Variants in SMARCAL1 observed in about 807,000 individuals in gnomAD.
The protein encoded by SMARCAL1 is ATP-driven annealing helicase.
In SMARCAL1, 58 loss-of-function variants were observed where a neutral mutation model predicts 94.5. The observed-to-expected ratio is 0.61, with a 90% confidence interval of 0.50 to 0.76. The LOEUF is 0.76. Among genes scored for constraint, SMARCAL1 ranks in the 30% least tolerant of loss-of-function variants. The pLI is 0.00. For synonymous variants in SMARCAL1, 422 were observed against 455.1 expected (o/e 0.93, Z 0.93); for missense variants, 1,051 against 1,177.9 (o/e 0.89, Z 1.58).
At chr2:216,458,015 C>G (rs1694610163) in intron 12 of SMARCAL1, among the ~76,000 whole-genome samples, 1 of 152,138 alleles carries the variant, frequency 6.6e-6, no homozygotes, top group Admixed American at 6.5e-5. Flanking sequence ...CACCACTGAT[C>G]CCACAGAAAT....
At chr2:216,432,899 GA>G (rs1223978330) in intron 8 of SMARCAL1, 31 bp downstream of exon 8, 2 of 1,613,828 alleles carry the variant, frequency 1.2e-6, no homozygotes, top group South Asian at 2.2e-5. Context: ...AGTTTTCACA[GA>G]GAAGGTTTTC....
intron 6 of SMARCAL1, among the ~76,000 whole-genome samples, chr2:216,425,649 CA>C (rs966763256): frequency 8.6e-4 from 131 of 152,258 alleles, no homozygotes; most frequent in Middle Eastern, 3.4e-3. Flanking sequence ...GTTACATGAA[CA>C]ACTGGAGAGT....
intron 5 of SMARCAL1, among the ~76,000 whole-genome samples, chr2:216,421,638 T>C (rs139174246): frequency 1.8e-3 from 278 of 152,244 alleles, no homozygotes; most frequent in Non-Finnish European, 2.3e-3. Flanking sequence ...CCCTTCAGAA[T>C]AGGGGAGAAG....
At chr2:216,428,882 C>T (rs1693898844) in intron 7 of SMARCAL1, 100 bp downstream of exon 7, 3 of 1,108,456 alleles carry the variant, frequency 2.7e-6, no homozygotes, top group Non-Finnish European at 4.1e-6. Context: ...CTTTTATTTA[C>T]CATGGATAGA....
rs751712707 is a variant in SMARCAL1, at chr2:216,415,471, C to T, written c.767C>T (p.Ala256Val). The part of the protein sequence containing the change: ...DRFQVLIGYN[A>V]ELIAVFKTLP... ...TTCCAGGTGTTGATTGGGTACAATG[C>T]GGAACTCATTGCAGTGTTTAAGACC... The change falls in exon 3 of 18, where the codon GCG becomes GTG. Residue 256 changes from alanine to valine, a missense_variant. Coordinates refer to ENST00000357276, the MANE Select transcript of SMARCAL1 (RefSeq NM_014140.4). 31 of 1,613,580 alleles carry T rather than the reference C, an allele frequency of 1.9e-5. No individual in the cohort carries two copies. Among genetic ancestry groups the T allele is most frequent in the South Asian group, 7.7e-5 (7 of 91,046 alleles).
intron 12 of SMARCAL1, among the ~76,000 whole-genome samples, chr2:216,463,859 A>G (rs1229734385): frequency 6.6e-6 from 1 of 152,204 alleles, no homozygotes; most frequent in Admixed American, 6.5e-5. Flanking sequence ...CCTGGCCAAC[A>G]TGGTGAAACC....
chr2:216,418,625 C>T (rs1389800770), intron 4 of SMARCAL1, among the ~76,000 whole-genome samples: 9 of 152,164 alleles, frequency 5.9e-5, no homozygotes. Flanking sequence ...CACTGTAGAA[C>T]ATATTTTGAC....
At chr2:216,466,643 C>CA (rs1238809814) in intron 13 of SMARCAL1, among the ~76,000 whole-genome samples, 6 of 151,686 alleles carry the variant, frequency 4.0e-5, no homozygotes, top group Non-Finnish European at 8.8e-5. Context: ...TATAGAACAA[C>CA]AAAGCTGTGT....
At position 216,474,128 on chromosome 2, in the gene SMARCAL1, C is replaced by CTTTTTTTTTTTTT. The variant is rs1182416023; in HGVS notation, c.2245-1124_2245-1112dup. Among the ~76,000 whole-genome samples the CTTTTTTTTTTTTT allele has an allele frequency of 1.8e-4, 12 of 64,926 alleles. 1 individual carries two copies. Among genetic ancestry groups the CTTTTTTTTTTTTT allele is most frequent in the African/African-American group, 7.0e-4 (12 of 17,188 alleles). The allele number at this position is 64,926 out of a possible 152,430, so 42.6% of individuals were successfully genotyped here. On this transcript the variant is annotated intron_variant, in intron 14 of 17. Coordinates refer to ENST00000357276, the MANE Select transcript of SMARCAL1 (RefSeq NM_014140.4). ...ATTTATATAACATTTGTATAGCATT[C>CTTTTTTTTTTTTT]TTTTTTTTTTTTTTTTTTTTTTTTT...
chr2:216,446,951 G>A (rs1227390026), intron 10 of SMARCAL1, 67 bp from the exon 11 acceptor site: 42 of 1,603,184 alleles, frequency 2.6e-5, no homozygotes, highest in Non-Finnish European at 2.8e-5. Context: ...CCCTCACTGG[G>A]GCATTTTGAA....
intron 8 of SMARCAL1, 142 bp downstream of exon 8, chr2:216,433,010 T>TGCC (rs1694001081): frequency 9.4e-7 from 1 of 1,068,710 alleles, no homozygotes; most frequent in African/African-American, 1.6e-5. Context: ...AGAGATGAGA[T>TGCC]GCCACCTGAG....
chr2:216,425,132 C>T (rs188143156), intron 6 of SMARCAL1, among the ~76,000 whole-genome samples: 6 of 152,296 alleles, frequency 3.9e-5, no homozygotes, highest in South Asian at 2.1e-4. Context: ...TGGCAGGCTG[C>T]GCTCGGCTCA....
chr2:216,428,387 T>G (rs1693886174), intron 6 of SMARCAL1, among the ~76,000 whole-genome samples: 1 of 152,228 alleles, frequency 6.6e-6, no homozygotes, highest in South Asian at 2.1e-4. Context: ...TCAGTGCAAT[T>G]CATTTGCTTT....
Position 216,414,634 on chromosome 2 carries a change from C to T in SMARCAL1, c.-58-13C>T, listed in dbSNP as rs1693544214. 3 of 1,314,918 alleles carry T rather than the reference C, an allele frequency of 2.3e-6. No homozygotes were observed. In the East Asian group the frequency reaches 6.9e-5, roughly 30 times the overall value. The allele number at this position is 1,314,918 out of a possible 1,614,324, so 81.5% of individuals were successfully genotyped here. A position where few individuals can be genotyped will look rare whatever the true frequency, so the allele number is the denominator to read the frequency against. On this transcript the variant is annotated splice_polypyrimidine_tract_variant and intron_variant, in intron 2 of 17. Transcript: ENST00000357276. Reference sequence around the variant, plus strand: ...TGTAATGTTCATTTCATTCTTCTTACTTTCTTCCACAGCTTTTGCCAACTT... The same window carrying T: ...TGTAATGTTCATTTCATTCTTCTTATTTTCTTCCACAGCTTTTGCCAACTT...
In SMARCAL1 at chr2:216,464,709, C is replaced by CAA. The variant is rs34170201; in HGVS notation, c.2141+55_2141+56dup. The stretch of plus-strand genomic sequence containing the variant: ...TGTCGACCTCTCTCTCTCTCATCTT[C>CAA]AAAAAAAAAAAAAACAACTTATTAC... On this transcript the variant is annotated intron_variant, in intron 13 of 17. Transcript: ENST00000357276. 3.7e-3 allele frequency: 2,938 copies of CAA among 803,026 alleles called. 2 individuals carry two copies. The highest frequency in any genetic ancestry group is 8.0e-3 in the East Asian group (273 of 34,208). 49.7% of individuals were successfully genotyped at this position (803,026 alleles called of 1,614,324 possible).
At position 216,472,781 on chromosome 2, in the gene SMARCAL1, A is replaced by G. The variant is rs528611909; in HGVS notation, c.2245-2488A>G. Among the ~76,000 whole-genome samples the G allele has an allele frequency of 1.1e-4, 12 of 108,056 alleles. No individual in the cohort carries two copies. In the East Asian group the frequency reaches 3.7e-3, roughly 33 times the overall value. 70.9% of individuals were successfully genotyped at this position (108,056 alleles called of 152,430 possible). A position where few individuals can be genotyped will look rare whatever the true frequency, so the allele number is the denominator to read the frequency against. On this transcript the variant is annotated intron_variant, in intron 14 of 17. Transcript: ENST00000357276. ...ACTAGTAATCAAGTTAGTGAAAAAT[A>G]AAATTTTTTTTTTTACCCCATCAAG...
intron 12 of SMARCAL1, among the ~76,000 whole-genome samples, chr2:216,462,827 A>G (rs925411220): frequency 8.5e-6 from 1 of 117,700 alleles, no homozygotes; most frequent in Non-Finnish European, 1.6e-5. Flanking sequence ...CTCTACAAAA[A>G]ATAAAAAAAA....
In SMARCAL1 at chr2:216,450,902, G is replaced by A. The variant is rs375844575; in HGVS notation, c.1908G>A (p.Leu636=). 43 of 1,614,236 alleles carry A rather than the reference G, an allele frequency of 2.7e-5. No individual in the cohort carries two copies. The highest frequency in any genetic ancestry group is 1.7e-4 in the Middle Eastern group (1 of 6,060). ...GSSNLGELKL[L]LEEAVMLRRL... is the part of the protein sequence containing the mutation. ...CCAACCTGGGAGAGCTGAAGCTCCT[G>A]CTGGAGGAAGCAGTCATGCTGCGGC... is the stretch of plus-strand genomic sequence containing the variant. Residue 636 remains leucine, a synonymous_variant, in exon 12 of 18, where the codon CTG becomes CTA. Coordinates refer to ENST00000357276, the MANE Select transcript of SMARCAL1 (RefSeq NM_014140.4).
chr2:216,474,128 CTTTTTTTTTTTT>C lies in SMARCAL1; in HGVS notation c.2245-1123_2245-1112del, dbSNP rs1182416023. On this transcript the variant is annotated intron_variant, in intron 14 of 17. Transcript: ENST00000357276. ...ATTTATATAACATTTGTATAGCATT[CTTTTTTTTTTTT>C]TTTTTTTTTTTTTTTTTGAGACAGA... Among the ~76,000 whole-genome samples the C allele has an allele frequency of 6.5e-3, 419 of 64,932 alleles. 3 individuals carry two copies. The highest frequency in any genetic ancestry group is 0.023 in the African/African-American group (391 of 17,194). The allele number at this position is 64,932 out of a possible 152,430, so 42.6% of individuals were successfully genotyped here. A position where few individuals can be genotyped will look rare whatever the true frequency, so the allele number is the denominator to read the frequency against.
Sources: allele counts gnomAD v4.1 joint callset (sites outside exome capture counted in the v4.1 genomes callset), GRCh38; gene constraint gnomAD v4.1.1; transcripts MANE v1.5; gene names NCBI Gene and HGNC (gene_info 2026-07-23, HGNC 2026-07-21).